Variants in KDM4A observed in about 807,000 individuals in gnomAD.
KDM4A encodes lysine demethylase 4A.
Under a neutral mutation model 127.1 loss-of-function variants are expected in KDM4A, and 23 were observed. The ratio of observed to expected loss-of-function variants is 0.18; its 90% CI spans 0.13 to 0.26. KDM4A has a LOEUF of 0.26. KDM4A is among the 10% of genes least tolerant of loss of function. The pLI is 1.00. For missense variants in KDM4A, 890 were observed against 1,329.1 expected (o/e 0.67, Z 5.14); for synonymous variants, 443 against 466.5 (o/e 0.95, Z 0.65).
intron 3 of KDM4A, among the ~76,000 whole-genome samples, 163 bp downstream of exon 3, chr1:43,655,929 C>T (rs966042357): frequency 6.6e-6 from 1 of 152,174 alleles, no homozygotes; most frequent in Non-Finnish European, 1.5e-5. Context: ...GCATTCCCTC[C>T]TCTCAGGACT....
chr1:43,693,876 G>A lies in KDM4A; in HGVS notation c.2376-118G>A. 1 of 736,748 alleles carries A rather than the reference G, an allele frequency of 1.4e-6. No individual in the cohort carries two copies. The highest frequency in any genetic ancestry group is 2.3e-6 in the Non-Finnish European group (1 of 432,128). The allele number at this position is 736,748 out of a possible 1,614,324, so 45.6% of individuals were successfully genotyped here. On this transcript the variant is annotated intron_variant, in intron 16 of 21. Coordinates refer to ENST00000372396, the MANE Select transcript of KDM4A (RefSeq NM_014663.3). The surrounding 1 kb of genome is among the most constrained non-coding windows in gnomAD (Gnocchi z 4.2). The stretch of plus-strand genomic sequence containing the variant: ...TCACCTTCCTGGGTCCCAGGCATGT[G>A]CTGGTGGAAGTCAGTGGTCACCCAG...
chr1:43,697,908 G>A lies in KDM4A; in HGVS notation c.2736G>A (p.Gly912=). 6.2e-7 allele frequency: 1 copy of A among 1,613,770 alleles called. No individual in the cohort carries two copies. The highest frequency in any genetic ancestry group is 8.5e-7 in the Non-Finnish European group (1 of 1,179,992). ...GQKVISKHKN[G]RFYQCEVVRL... is the part of the protein sequence containing the mutation. ...AAGTCATTAGCAAGCATAAGAACGG[G>A]CGCTTCTACCAGTGTGAAGTGGTCA... The change falls in exon 19 of 22, where the codon GGG becomes GGA. Residue 912 remains glycine, a synonymous_variant. Transcript: ENST00000372396.
chr1:43,661,608 CAAAAAAAAA>C (rs34131801), intron 4 of KDM4A, among the ~76,000 whole-genome samples: 1 of 40,866 alleles, frequency 2.4e-5, no homozygotes, highest in South Asian at 1.9e-3. Flanking sequence ...GACTCTGTCT[CAAAAAAAAA>C]AAAAAAAAAA....
At chr1:43,674,712 G>C (rs1403841372) in intron 11 of KDM4A, among the ~76,000 whole-genome samples, 1 of 151,932 alleles carries the variant, frequency 6.6e-6, no homozygotes. Context: ...TAGAGATGGG[G>C]TTTCACCATG....
Position 43,690,888 on chromosome 1 carries a change from A to G in KDM4A, c.2081A>G (p.Asp694Gly). Residue 694 changes from aspartate (D) to glycine (G), a missense_variant, in exon 14 of 22, where the codon GAT becomes GGT. Around this residue, in one of 7 missense-constraint regions of KDM4A, gnomAD observed 389 missense variants for 485.9 expected, o/e 0.80. Transcript: ENST00000372396. The stretch of plus-strand genomic sequence containing the variant: ...AATCAGAACTGTGGAAATGCTTCAG[A>G]TTTAGCCCCCCAGAAGCAGAGGACC... ...GFNQNCGNAS[D>G]LAPQKQRTKP... The G allele has an allele frequency of 6.2e-7, 1 of 1,614,188 alleles. No homozygotes were observed. Among genetic ancestry groups the G allele is most frequent in the Non-Finnish European group, 8.5e-7 (1 of 1,180,022 alleles).
Position 43,671,599 on chromosome 1 carries a change from G to C in KDM4A, c.1458G>C (p.Leu486Phe). 1 of 1,612,598 alleles carries C rather than the reference G, an allele frequency of 6.2e-7. No individual in the cohort carries two copies. Among genetic ancestry groups the C allele is most frequent in the Non-Finnish European group, 8.5e-7 (1 of 1,179,470 alleles). Residue 486 changes from leucine (L) to phenylalanine (F), a missense_variant, in exon 11 of 22, where the codon TTG becomes TTC. Leu to Phe is a conservative substitution (Grantham distance 22). Coordinates refer to ENST00000372396, the MANE Select transcript of KDM4A (RefSeq NM_014663.3). ...AGGAAGAACAAGCAGCAGCTGCCTT[G>C]GATCTTTCTGTGAATCCTGCGTCTG... is the stretch of plus-strand genomic sequence containing the variant. ...DEEEEQAAAA[L>F]DLSVNPASVG...
chr1:43,652,500 CTT>C (rs1317204662), intron 1 of KDM4A, among the ~76,000 whole-genome samples: 2 of 151,640 alleles, frequency 1.3e-5, no homozygotes, highest in South Asian at 2.1e-4. Context: ...ATTTAAATAA[CTT>C]TTTGTTGTTT....
intron 11 of KDM4A, among the ~76,000 whole-genome samples, chr1:43,680,520 G>T (rs1382550240): frequency 2.0e-5 from 3 of 152,170 alleles, no homozygotes; most frequent in African/African-American, 7.2e-5. Context: ...TGAAACACTT[G>T]TTCTCTTATG....
intron 8 of KDM4A, among the ~76,000 whole-genome samples, chr1:43,667,489 C>G (rs541112235): frequency 2.0e-5 from 3 of 152,134 alleles, no homozygotes; most frequent in Admixed American, 2.0e-4. Flanking sequence ...GGTGGCTCAC[C>G]GTCCTGGGGG....
Position 43,694,312 on chromosome 1 carries a change from T to C in KDM4A, c.2484+210T>C, listed in dbSNP as rs1332453381. 6.6e-6 allele frequency among the ~76,000 whole-genome samples: 1 copy of C among 151,118 alleles called. No homozygotes were observed. The highest frequency in any genetic ancestry group is 1.5e-5 in the Non-Finnish European group (1 of 67,774). On this transcript the variant is annotated intron_variant, in intron 17 of 21. Transcript: ENST00000372396. The surrounding 1 kb of genome is among the most constrained non-coding windows in gnomAD (Gnocchi z 5.2). ...TGGGTGAACCACTTGAGGTCAGGAGTTCAAGACCAGCCTGGGCAACATGGT... is the reference window on the plus strand; with the variant it reads ...TGGGTGAACCACTTGAGGTCAGGAGCTCAAGACCAGCCTGGGCAACATGGT...
intron 7 of KDM4A, 23 bp downstream of exon 7, chr1:43,666,578 A>C (rs1333141974): frequency 6.3e-7 from 1 of 1,582,396 alleles, no homozygotes; most frequent in Non-Finnish European, 8.7e-7. Context: ...TACATGCCAA[A>C]GTTCTCAGGC....
intron 10 of KDM4A, among the ~76,000 whole-genome samples, chr1:43,670,364 T>C (rs577258278): frequency 2.0e-5 from 3 of 152,262 alleles, no homozygotes; most frequent in Non-Finnish European, 2.9e-5. Flanking sequence ...TTATTTATAT[T>C]GACAGATAAA....
chr1:43,650,189 G>C lies in KDM4A; in HGVS notation c.-103G>C, dbSNP rs940735490. ...TCGGCCTTCGCCTGCTGGAAAAGCA[G>C]TAGGATCGGCCAGTGGCGACAGCAG... On this transcript the variant is annotated 5_prime_UTR_variant, in exon 1 of 22. Transcript: ENST00000372396. 5 of 152,420 alleles carry C rather than the reference G, an allele frequency of 3.3e-5. No homozygotes were observed. The highest frequency in any genetic ancestry group is 3.2e-3 in the Middle Eastern group (1 of 316). 9.4% of individuals were successfully genotyped at this position (152,420 alleles called of 1,614,324 possible). A position where few individuals can be genotyped will look rare whatever the true frequency, so the allele number is the denominator to read the frequency against.
At chr1:43,666,763 T>G (rs944851315) in intron 7 of KDM4A, among the ~76,000 whole-genome samples, 191 bp from the exon 8 acceptor site, 9 of 152,142 alleles carry the variant, frequency 5.9e-5, no homozygotes, top group African/African-American at 2.2e-4. Context: ...CAGTGTTCAT[T>G]TGGAGGAATG....
chr1:43,659,823 G>A (rs565330213), intron 3 of KDM4A, among the ~76,000 whole-genome samples: 2 of 152,338 alleles, frequency 1.3e-5, no homozygotes, highest in East Asian at 3.9e-4. Context: ...TGGGCATATA[G>A]CAGGGGTACT....
intron 1 of KDM4A, among the ~76,000 whole-genome samples, chr1:43,650,978 A>G (rs138684804): frequency 3.8e-4 from 58 of 152,272 alleles, no homozygotes; most frequent in African/African-American, 1.3e-3. Flanking sequence ...AGGGTTGAAG[A>G]AGGGATGAAC....
chr1:43,650,334 T>C (rs971511955), intron 1 of KDM4A, 82 bp downstream of exon 1: 2 of 64,654 alleles, frequency 3.1e-5, no homozygotes, highest in African/African-American at 1.2e-4. Flanking sequence ...GGAGGGGCGG[T>C]GGGGGTGGGT....
chr1:43,683,617 G>T, intron 11 of KDM4A, 67 bp from the exon 12 acceptor site: 3 of 1,545,594 alleles, frequency 1.9e-6, no homozygotes, highest in Non-Finnish European at 2.6e-6. Flanking sequence ...GGTTTTCATT[G>T]TAAGGGTGAC....
chr1:43,683,721 A>G lies in KDM4A; in HGVS notation c.1772A>G (p.Lys591Arg), dbSNP rs1660909200. 2.5e-6 allele frequency: 4 copies of G among 1,614,092 alleles called. No homozygotes were observed. In the Admixed American group the frequency reaches 6.7e-5, roughly 27 times the overall value. The change falls in exon 12 of 22, where the codon AAG (lysine) becomes AGG (arginine). Residue 591 changes from lysine (K) to arginine (R), a missense_variant. Coordinates refer to ENST00000372396, the MANE Select transcript of KDM4A (RefSeq NM_014663.3). ...TACATGTTTTCCCTAGAAGAGAATA[A>G]GAAGTCCAAGGGACGCCGTCAGCCT... ...DEYMFSLEEN[K>R]KSKGRRQPLS... is the part of the protein sequence containing the mutation.
Sources: allele counts gnomAD v4.1 joint callset (sites outside exome capture counted in the v4.1 genomes callset), GRCh38; gene constraint gnomAD v4.1.1; regional missense constraint gnomAD v4.1.1; non-coding constraint Gnocchi (gnomAD v3.1); transcripts MANE v1.5; gene names NCBI Gene and HGNC (gene_info 2026-07-23, HGNC 2026-07-21).